The following TSPAN3 variants were observed in gnomAD, a reference collection of about 807,000 sequenced individuals.
TSPAN3 encodes tetraspanin 3, also known as tetraspanin-3.
TSPAN3 carries 9 observed loss-of-function variants against 31.1 expected under a neutral mutation model. That is an observed-to-expected ratio of 0.29 (90% CI 0.17 to 0.50). TSPAN3 has a LOEUF of 0.50. TSPAN3 is among the 20% of genes least tolerant of loss of function. TSPAN3 has a pLI of 0.98. For synonymous variants in TSPAN3, 129 were observed against 114.3 expected (o/e 1.13, Z -0.82); for missense variants, 252 against 313.5 (o/e 0.80, Z 1.48).
intron 6 of TSPAN3, among the ~76,000 whole-genome samples, chr15:77,051,184 C>T (rs2076728393): frequency 6.6e-6 from 1 of 151,946 alleles, no homozygotes. Flanking sequence ...CAGGTGTAAC[C>T]CATCACACCT....
intron 5 of TSPAN3, 72 bp downstream of exon 5, chr15:77,052,704 TC>T: frequency 6.6e-7 from 1 of 1,526,206 alleles, no homozygotes; most frequent in Non-Finnish European, 8.9e-7. Context: ...AGAAAAGAAG[TC>T]CCAGATGGTG....
Position 77,042,195 on chromosome 15 carries a change from A to G in TSPAN3, c.*4640T>C, listed in dbSNP as rs1395091309. The stretch of plus-strand genomic sequence containing the variant: ...TTCTGTGTATGTAGTCTGCAAAGAC[A>G]CATGCCATTGCTGAACTGCTGAACT... On this transcript the variant is annotated 3_prime_UTR_variant, in exon 7 of 7. Transcript: ENST00000267970. 2 of 152,274 alleles carry G rather than the reference A, an allele frequency of 1.3e-5. No homozygotes were observed. Among genetic ancestry groups the G allele is most frequent in the Non-Finnish European group, 2.9e-5 (2 of 68,052 alleles). The allele number at this position is 152,274 out of a possible 1,614,324, so 9.4% of individuals were successfully genotyped here.
intron 1 of TSPAN3, chr15:77,068,466 T>C (rs1329805338): frequency 6.6e-6 from 1 of 152,212 alleles, no homozygotes; most frequent in Non-Finnish European, 1.5e-5. Flanking sequence ...AGAAAATGGT[T>C]ACTGTATTTC....
At chr15:77,069,716 G>A (rs1360016836) in intron 1 of TSPAN3, among the ~76,000 whole-genome samples, 1 of 152,194 alleles carries the variant, frequency 6.6e-6, no homozygotes, top group African/African-American at 2.4e-5. Context: ...GGGGTCGGGG[G>A]AGGAGGAAAG....
At chr15:77,047,495 TTC>T (rs1215831637) in intron 6 of TSPAN3, among the ~76,000 whole-genome samples, 1 of 152,092 alleles carries the variant, frequency 6.6e-6, no homozygotes, top group African/African-American at 2.4e-5. Flanking sequence ...AGAAAACAAA[TTC>T]TGATGCCAAA....
At position 77,041,695 on chromosome 15, in the gene TSPAN3, T is replaced by C. The variant is rs2076660943; in HGVS notation, c.*5140A>G. 2 of 152,094 alleles carry C rather than the reference T, an allele frequency of 1.3e-5. No homozygotes were observed. The highest frequency in any genetic ancestry group is 4.8e-5 in the African/African-American group (2 of 41,414). 9.4% of individuals were successfully genotyped at this position (152,094 alleles called of 1,614,324 possible). Reference sequence around the variant, plus strand: ...CCACTGCACCCAGCCAAACATGACTTTTCCATCCAGAGTAAATCCAACTAA... The same window carrying C: ...CCACTGCACCCAGCCAAACATGACTCTTCCATCCAGAGTAAATCCAACTAA... On this transcript the variant is annotated 3_prime_UTR_variant, in exon 7 of 7. Coordinates refer to ENST00000267970, the MANE Select transcript of TSPAN3 (RefSeq NM_005724.6).
chr15:77,062,512 T>A (rs1002399976), intron 1 of TSPAN3, among the ~76,000 whole-genome samples: 2 of 152,194 alleles, frequency 1.3e-5, no homozygotes, highest in African/African-American at 4.8e-5. Context: ...ATACTATCAT[T>A]TTCTACCTAA....
chr15:77,068,630 C>A (rs2076847933), intron 1 of TSPAN3, among the ~76,000 whole-genome samples: 1 of 152,162 alleles, frequency 6.6e-6, no homozygotes, highest in African/African-American at 2.4e-5. Flanking sequence ...AGCTTACTAG[C>A]TGACAACGTG....
chr15:77,056,088 C>T lies in TSPAN3; in HGVS notation c.231G>A (p.Arg77=). The change falls in exon 2 of 7, where the codon CGG becomes CGA. Residue 77 remains arginine (R), a synonymous_variant. Transcript: ENST00000267970. The stretch of plus-strand genomic sequence containing the variant: ...CCGTGGCAAGTCCACAGCGACTTTC[C>T]CGGATTGTGGCACAGCAGCCAATTA... ...IGLIGCCATI[R]ESRCGLATFV... The T allele has an allele frequency of 6.2e-7, 1 of 1,610,342 alleles. No individual in the cohort carries two copies. Among genetic ancestry groups the T allele is most frequent in the South Asian group, 1.1e-5 (1 of 90,522 alleles).
chr15:77,063,703 A>G (rs1325331036), intron 1 of TSPAN3: 1 of 152,244 alleles, frequency 6.6e-6, no homozygotes, highest in African/African-American at 2.4e-5. Context: ...TTATTAAACC[A>G]GCTTAACAAA....
intron 1 of TSPAN3, among the ~76,000 whole-genome samples, chr15:77,066,179 G>T (rs114368812): frequency 1.3e-5 from 2 of 152,054 alleles, no homozygotes; most frequent in Non-Finnish European, 2.9e-5. Flanking sequence ...TGTTTTAGAC[G>T]AGCCCTCTTT....
intron 1 of TSPAN3, among the ~76,000 whole-genome samples, chr15:77,069,476 T>C (rs1311899900): frequency 1.3e-5 from 2 of 152,194 alleles, no homozygotes; most frequent in African/African-American, 2.4e-5. Flanking sequence ...AATAAGCCTG[T>C]AACTCAAATT....
At chr15:77,053,666 A>G (rs556761484) in intron 4 of TSPAN3, among the ~76,000 whole-genome samples, 1 of 152,184 alleles carries the variant, frequency 6.6e-6, no homozygotes, top group East Asian at 1.9e-4. Context: ...AGCAAAAAGT[A>G]AGTAGGGGCA....
At chr15:77,054,120 T>C in intron 4 of TSPAN3, 58 bp downstream of exon 4, 1 of 1,215,058 alleles carries the variant, frequency 8.2e-7, no homozygotes, top group South Asian at 1.2e-5. Context: ...GCAGTTAGTT[T>C]AATGTTGACC....
At position 77,043,078 on chromosome 15, in the gene TSPAN3, G is replaced by A. The variant is rs139941648; in HGVS notation, c.*3757C>T. On this transcript the variant is annotated 3_prime_UTR_variant, in exon 7 of 7. Coordinates refer to ENST00000267970, the MANE Select transcript of TSPAN3 (RefSeq NM_005724.6). Reference sequence around the variant, plus strand: ...TCTTCTGTCTCCTTTCGTCCTGCACGGGTCCCAGCAGCATTCCCCACCGTG... The same window carrying A: ...TCTTCTGTCTCCTTTCGTCCTGCACAGGTCCCAGCAGCATTCCCCACCGTG... The A allele has an allele frequency of 3.3e-5, 5 of 152,274 alleles. No individual in the cohort carries two copies. Among genetic ancestry groups the A allele is most frequent in the African/African-American group, 4.8e-5 (2 of 41,372 alleles). The allele number at this position is 152,274 out of a possible 1,614,324, so 9.4% of individuals were successfully genotyped here. A position where few individuals can be genotyped will look rare whatever the true frequency, so the allele number is the denominator to read the frequency against.
intron 1 of TSPAN3, among the ~76,000 whole-genome samples, chr15:77,068,632 GACA>G (rs2076847961): frequency 6.6e-6 from 1 of 152,176 alleles, no homozygotes; most frequent in Non-Finnish European, 1.5e-5. Flanking sequence ...CTTACTAGCT[GACA>G]ACGTGTTTCT....
intron 3 of TSPAN3, 69 bp downstream of exon 3, chr15:77,055,720 T>C (rs2076764472): frequency 8.6e-7 from 1 of 1,156,560 alleles, no homozygotes; most frequent in Non-Finnish European, 1.2e-6. Context: ...AAAATGAATG[T>C]GTTCTATTTT....
At chr15:77,051,543 G>A (rs1263858573) in intron 6 of TSPAN3, among the ~76,000 whole-genome samples, 1 of 148,938 alleles carries the variant, frequency 6.7e-6, no homozygotes, top group African/African-American at 2.5e-5. Context: ...AAAAAAAAAA[G>A]AAAAGAAAAG....
At position 77,052,871 on chromosome 15, in the gene TSPAN3, T is replaced by G. The variant is rs2076741268; in HGVS notation, c.491A>C (p.Glu164Ala). 1.9e-6 allele frequency: 3 copies of G among 1,614,116 alleles called. No homozygotes were observed. In the African/African-American group the frequency reaches 4.0e-5, roughly 22 times the overall value. Residue 164 changes from glutamate (E) to alanine (A), a missense_variant, in exon 5 of 7, where the codon GAA (glutamate) becomes GCA (alanine). Glu to Ala is a moderately radical substitution (Grantham distance 107). Transcript: ENST00000267970. ...SDWENTDWFK[E>A]TKNQSVPLSC... ...AAGAGGGACACTCTGGTTTTTGGTT[T>G]CTTTGAACCAATCTGTATTTTCCCA... is the stretch of plus-strand genomic sequence containing the variant.
Sources: gnomAD v4.1 joint callset for allele counts (sites outside exome capture counted in the v4.1 genomes callset) on GRCh38, gnomAD v4.1.1 for gene constraint, MANE v1.5 for transcripts, NCBI Gene and HGNC (gene_info 2026-07-23, HGNC 2026-07-21) for gene names.